The following INTS3 variants were observed in gnomAD, a reference collection of about 807,000 sequenced individuals.
The protein encoded by INTS3 is SOSS complex subunit A.
In INTS3, 34 loss-of-function variants were observed where a neutral mutation model predicts 146.3. That is an observed-to-expected ratio of 0.23 (90% CI 0.18 to 0.31). INTS3 has a LOEUF of 0.31. Among genes scored for constraint, INTS3 ranks in the 10% least tolerant of loss-of-function variants. The pLI, the probability that INTS3 is intolerant of heterozygous loss-of-function variation, is 1.00. For missense variants in INTS3, 757 were observed against 1,304.2 expected (o/e 0.58, Z 6.46); for synonymous variants, 475 against 494.9 (o/e 0.96, Z 0.53).
At chr1:153,744,062 T>C (rs1188047007) in intron 3 of INTS3, among the ~76,000 whole-genome samples, 1 of 151,772 alleles carries the variant, frequency 6.6e-6, no homozygotes, top group Non-Finnish European at 1.5e-5. Flanking sequence ...TGTGTGTGTG[T>C]GTGTGTGTGT....
chr1:153,772,492 A>T lies in INTS3; in HGVS notation c.2821+52A>T. ...TGTAGACGGTGCTGCCCTGGCCCAG[A>T]CTATGCCTGGAGCCAGGCTGGGGGC... On this transcript the variant is annotated intron_variant, in intron 27 of 29. Transcript: ENST00000318967. The surrounding 1 kb of genome is among the most constrained non-coding windows in gnomAD (Gnocchi z 4.6). 6.2e-7 allele frequency: 1 copy of T among 1,613,750 alleles called. No individual in the cohort carries two copies. Among genetic ancestry groups the T allele is most frequent in the Non-Finnish European group, 8.5e-7 (1 of 1,179,834 alleles).
intron 9 of INTS3, among the ~76,000 whole-genome samples, chr1:153,756,696 A>G (rs1672175776): frequency 2.0e-5 from 3 of 151,714 alleles, no homozygotes; most frequent in Non-Finnish European, 4.4e-5. Context: ...TGTGCCTGTA[A>G]TCCCAACTAC....
chr1:153,760,232 C>CAAAAAAAA (rs58951043), intron 11 of INTS3, 79 bp from the exon 12 acceptor site: 16 of 395,414 alleles, frequency 4.0e-5, no homozygotes, highest in Admixed American at 9.2e-5. Context: ...GACTCTGTTT[C>CAAAAAAAA]AAAAAAAAAA....
intron 13 of INTS3, 181 bp downstream of exon 13, chr1:153,761,099 G>GTATTA (rs1558004492): frequency 7.0e-7 from 1 of 1,431,986 alleles, no homozygotes; most frequent in East Asian, 2.5e-5. Flanking sequence ...TCCTGCCATC[G>GTATTA]TATTACAAAG....
intron 25 of INTS3, 54 bp from the exon 26 acceptor site, chr1:153,771,742 G>A: frequency 6.5e-7 from 1 of 1,545,880 alleles, no homozygotes; most frequent in East Asian, 2.3e-5. Context: ...GAGAGACCCA[G>A]CATGCCCTGC....
chr1:153,751,017 C>A, intron 6 of INTS3, 78 bp from the exon 7 acceptor site: 1 of 1,464,976 alleles, frequency 6.8e-7, no homozygotes, highest in Non-Finnish European at 9.3e-7. Flanking sequence ...GGCACTGTAG[C>A]CAAGCCCAAG....
Position 153,770,433 on chromosome 1 carries a change from T to C in INTS3, c.2503+122T>C, listed in dbSNP as rs1672800414. The C allele has an allele frequency of 1.8e-5, 14 of 768,234 alleles. No individual in the cohort carries two copies. The South Asian group carries it at 2.1e-4, about 11-fold the overall frequency. The allele number at this position is 768,234 out of a possible 1,614,324, so 47.6% of individuals were successfully genotyped here. ...TCCATTGTCCTCCTTCCCACCAAAG[T>C]GCACAAGGGCAGGCTCTCTGTCAGC... On this transcript the variant is annotated intron_variant, in intron 24 of 29. Transcript: ENST00000318967.
Position 153,772,288 on chromosome 1 carries a change from C to A in INTS3, c.2721-52C>A, listed in dbSNP as rs537481443. 1.3e-5 allele frequency: 21 copies of A among 1,585,008 alleles called. No individual in the cohort carries two copies. The African/African-American group carries it at 2.1e-4, about 16-fold the overall frequency. On this transcript the variant is annotated intron_variant, in intron 26 of 29. Coordinates refer to ENST00000318967, the MANE Select transcript of INTS3 (RefSeq NM_023015.5). This position sits in a 1 kb window ranked among gnomAD's most constrained non-coding sequence, Gnocchi z 4.6. ...GCCCTGGCGGGTGGAGGGTGTCTCG[C>A]ACTCTGGAACCCTCCCACACTCAGA...
intron 21 of INTS3, among the ~76,000 whole-genome samples, chr1:153,768,312 A>G (rs1276133443): frequency 6.6e-6 from 1 of 152,194 alleles, no homozygotes; most frequent in Admixed American, 6.5e-5. Flanking sequence ...TCTTGGTAGA[A>G]GTTCCCAGGA....
At chr1:153,739,711 T>C (rs1264815483) in intron 1 of INTS3, among the ~76,000 whole-genome samples, 1 of 147,076 alleles carries the variant, frequency 6.8e-6, no homozygotes, top group Non-Finnish European at 1.5e-5. Flanking sequence ...TCGGGTGATC[T>C]GCCCACCTCA....
intron 1 of INTS3, among the ~76,000 whole-genome samples, chr1:153,732,808 CT>C (rs35259045): frequency 0.036 from 5,198 of 143,832 alleles, 301 homozygotes; most frequent in African/African-American, 0.12. Context: ...GGAATTTAGT[CT>C]TTTTTTTTTT....
chr1:153,761,062 T>C (rs1255540770), intron 13 of INTS3, 144 bp downstream of exon 13: 3 of 1,452,660 alleles, frequency 2.1e-6, no homozygotes, highest in African/African-American at 1.4e-5. Flanking sequence ...TGGGCATATG[T>C]CTTCTTGGCT....
At position 153,759,499 on chromosome 1, in the gene INTS3, C is replaced by T. The variant is rs774621680; in HGVS notation, c.1150-27C>T. ...GAGGGGGGTGATTGATGAAACTAGC[C>T]CTCTGTTTCTCCCCTCTCTTTTCCA... On this transcript the variant is annotated intron_variant, in intron 10 of 29. Transcript: ENST00000318967. 9 of 1,497,208 alleles carry T rather than the reference C, an allele frequency of 6.0e-6. No individual in the cohort carries two copies. The South Asian group carries it at 1.0e-4, about 17-fold the overall frequency. 92.7% of individuals were successfully genotyped at this position (1,497,208 alleles called of 1,614,324 possible). A position where few individuals can be genotyped will look rare whatever the true frequency, so the allele number is the denominator to read the frequency against.
chr1:153,735,373 C>G (rs988108405), intron 1 of INTS3, among the ~76,000 whole-genome samples: 1 of 152,184 alleles, frequency 6.6e-6, no homozygotes, highest in African/African-American at 2.4e-5. Flanking sequence ...GAGGCATTAT[C>G]TCTGTTTTGA....
intron 5 of INTS3, 46 bp downstream of exon 5, chr1:153,747,409 G>A (rs1157854228): frequency 1.4e-6 from 2 of 1,385,886 alleles, no homozygotes; most frequent in Non-Finnish European, 2.1e-6. Flanking sequence ...GGAGAGCCCA[G>A]AGACTACATA....
In INTS3 at chr1:153,772,424, C is replaced by G. The variant is rs745570106; in HGVS notation, c.2805C>G (p.Thr935=). ...EHLDNLRLNL[T]NTKQNFFSQT... ...TGGACAATCTGCGGCTCAACCTGACCAACACCAAGCAGAACTGTATGCCTT... is the reference window on the plus strand; with the variant it reads ...TGGACAATCTGCGGCTCAACCTGACGAACACCAAGCAGAACTGTATGCCTT... The change falls in exon 27 of 30, where the codon ACC becomes ACG. Residue 935 remains threonine, a synonymous_variant. Coordinates refer to ENST00000318967, the MANE Select transcript of INTS3 (RefSeq NM_023015.5). The surrounding 1 kb of genome is among the most constrained non-coding windows in gnomAD (Gnocchi z 4.6). 6.2e-6 allele frequency: 10 copies of G among 1,614,026 alleles called. No individual in the cohort carries two copies. The African/African-American group carries it at 1.3e-4, about 22-fold the overall frequency.
chr1:153,742,585 T>C (rs1671580053), intron 3 of INTS3, among the ~76,000 whole-genome samples: 1 of 152,088 alleles, frequency 6.6e-6, no homozygotes. Flanking sequence ...TGCAAATTAG[T>C]CTTGCCTGCT....
intron 9 of INTS3, 129 bp downstream of exon 9, chr1:153,754,868 T>C: frequency 2.9e-6 from 2 of 682,312 alleles, no homozygotes; most frequent in South Asian, 3.3e-5. Flanking sequence ...CTGATCTACC[T>C]GGCTACTGGC....
rs1412338907 is a variant in INTS3, at chr1:153,770,059, GTGTGTGTGTGTGTGTGTGTGT to G, written c.2390-138_2390-118del. Reference sequence around the variant, plus strand: ...GGGTGCTGGTAGTCAGTGGATTGGGGTGTGTGTGTGTGTGTGTGTGTGTGTGTGTGTGTGTGTGTGTGTGCT... The same window carrying G: ...GGGTGCTGGTAGTCAGTGGATTGGGGGTGTGTGTGTGTGTGTGTGTGTGCT... On this transcript the variant is annotated intron_variant, in intron 23 of 29. Coordinates refer to ENST00000318967, the MANE Select transcript of INTS3 (RefSeq NM_023015.5). 1.3e-4 allele frequency: 43 copies of G among 326,224 alleles called. 1 individual carries two copies. The highest frequency in any genetic ancestry group is 3.2e-4 in the Admixed American group (7 of 21,980). The allele number at this position is 326,224 out of a possible 1,614,324, so 20.2% of individuals were successfully genotyped here. A position where few individuals can be genotyped will look rare whatever the true frequency, so the allele number is the denominator to read the frequency against.
Sources: gnomAD v4.1 joint callset for allele counts (sites outside exome capture counted in the v4.1 genomes callset) on GRCh38, gnomAD v4.1.1 for gene constraint, Gnocchi (gnomAD v3.1) non-coding constraint, MANE v1.5 for transcripts, NCBI Gene and HGNC (gene_info 2026-07-23, HGNC 2026-07-21) for gene names.